The following FAM149A variants were observed in gnomAD, a reference collection of about 807,000 sequenced individuals.
The protein encoded by FAM149A is protein FAM149A.
Under a neutral mutation model 78.2 loss-of-function variants are expected in FAM149A, and 71 were observed. The ratio of observed to expected loss-of-function variants is 0.91; its 90% CI spans 0.75 to 1.11. The LOEUF is 1.11. FAM149A is among the 50% of genes least tolerant of loss of function. FAM149A has a pLI of 0.00. For missense variants in FAM149A, 1,036 were observed against 971.0 expected (o/e 1.07, Z -0.89); for synonymous variants, 446 against 410.5 (o/e 1.09, Z -1.04).
Position 186,144,983 on chromosome 4 carries a change from G to T in FAM149A, c.567-4190G>T. Reference sequence around the variant, plus strand: ...GGCGGGTGGGGAGCCCCAGCCCCGGGGCCGCGGGGGCGCGTGACCGGCTGT... The same window carrying T: ...GGCGGGTGGGGAGCCCCAGCCCCGGTGCCGCGGGGGCGCGTGACCGGCTGT... On this transcript the variant is annotated intron_variant, in intron 1 of 13. Coordinates refer to ENST00000389354, the MANE Select transcript of FAM149A (RefSeq NM_001367768.3). The surrounding 1 kb of genome is among the most constrained non-coding windows in gnomAD (Gnocchi z 4.2). The T allele has an allele frequency of 1.0e-6, 1 of 978,272 alleles. No individual in the cohort carries two copies. Among genetic ancestry groups the T allele is most frequent in the South Asian group, 4.7e-5 (1 of 21,374 alleles). 60.6% of individuals were successfully genotyped at this position (978,272 alleles called of 1,614,324 possible). A position where few individuals can be genotyped will look rare whatever the true frequency, so the allele number is the denominator to read the frequency against.
chr4:186,125,794 A>C (rs2099318062), intron 1 of FAM149A: 23 of 985,268 alleles, frequency 2.3e-5, no homozygotes, highest in Admixed American at 6.1e-5. Context: ...TGGGGCCATG[A>C]ATACCCAACC....
chr4:186,106,875 G>A (rs184106700), intron 1 of FAM149A, among the ~76,000 whole-genome samples: 2 of 152,096 alleles, frequency 1.3e-5, no homozygotes, highest in East Asian at 1.9e-4. Context: ...GCGTGAACCC[G>A]GGAGGCGGAG....
At chr4:186,130,263 A>ATATCTCTCTCTCTC (rs1554068048) in intron 1 of FAM149A, 1 of 67,112 alleles carries the variant, frequency 1.5e-5, no homozygotes, top group Non-Finnish European at 2.8e-5. Flanking sequence ...ACTTTATGAA[A>ATATCTCTCTCTCTC]TCTCTCTCTC....
Position 186,151,115 on chromosome 4 carries a change from G to A in FAM149A, c.790-788G>A, listed in dbSNP as rs1028824633. On this transcript the variant is annotated intron_variant, in intron 3 of 13. Coordinates refer to ENST00000389354, the MANE Select transcript of FAM149A (RefSeq NM_001367768.3). Reference sequence around the variant, plus strand: ...GGGGAGCCGGCAGGGCAGGTGCACCGAGGGGGTCTGAAAGGGACTCAGCTC... The same window carrying A: ...GGGGAGCCGGCAGGGCAGGTGCACCAAGGGGGTCTGAAAGGGACTCAGCTC... 25 of 951,968 alleles carry A rather than the reference G, an allele frequency of 2.6e-5. No homozygotes were observed. In the South Asian group the frequency reaches 4.3e-4, roughly 17 times the overall value. 59.0% of individuals were successfully genotyped at this position (951,968 alleles called of 1,614,324 possible). A position where few individuals can be genotyped will look rare whatever the true frequency, so the allele number is the denominator to read the frequency against.
Position 186,105,490 on chromosome 4 carries a change from C to G in FAM149A, c.414C>G (p.Ala138=), listed in dbSNP as rs955051184. The stretch of plus-strand genomic sequence containing the variant: ...CCTCGGGCCCCGGCGGGGTCTGGGC[C>G]GCGCTCCCCAGGAACCCGCTCCAGC... The change falls in exon 1 of 14, where the codon GCC becomes GCG. Residue 138 remains alanine (A), a synonymous_variant. Transcript: ENST00000389354. The G allele has an allele frequency of 4.2e-6, 5 of 1,200,948 alleles. No homozygotes were observed. In the African/African-American group the frequency reaches 5.0e-5, roughly 12 times the overall value. The allele number at this position is 1,200,948 out of a possible 1,614,324, so 74.4% of individuals were successfully genotyped here. A position where few individuals can be genotyped will look rare whatever the true frequency, so the allele number is the denominator to read the frequency against.
intron 1 of FAM149A, chr4:186,127,177 C>T (rs1233840004): frequency 2.0e-6 from 2 of 979,136 alleles, no homozygotes; most frequent in Non-Finnish European, 2.4e-6. Context: ...TCGCCAACTC[C>T]ACCCTGAGTA....
Position 186,167,216 on chromosome 4 carries a change from AATGGAATTTGCTGCTCACAC to A in FAM149A, c.2178_2197del (p.Glu726AspfsTer14), listed in dbSNP as rs1319377987. On this transcript the variant is annotated frameshift_variant, in exon 13 of 14. Transcript: ENST00000389354. LOFTEE classifies it high-confidence loss of function. ...CGCCTCGAAAAAGTTCATTGACACA[AATGGAATTTGCTGCTCACAC>A]ATGGACAGGTCAAAGTATTTTGACA... 1.9e-6 allele frequency: 3 copies of A among 1,611,450 alleles called. No individual in the cohort carries two copies. In the African/African-American group the frequency reaches 4.0e-5, roughly 22 times the overall value.
At position 186,173,112 on chromosome 4, in the gene FAM149A, A is replaced by T. The variant is rs1440156571; in HGVS notation, c.*1125A>T. Among the ~76,000 whole-genome samples, 1 of 112,908 alleles carries T rather than the reference A, an allele frequency of 8.9e-6. No homozygotes were observed. Among genetic ancestry groups the T allele is most frequent in the Non-Finnish European group, 2.2e-5 (1 of 44,714 alleles). 74.1% of individuals were successfully genotyped at this position (112,908 alleles called of 152,430 possible). ...GGCTATATATATGAGCATATTTATAAACTTAGATTTATAAACTATATACAC... is the reference window on the plus strand; with the variant it reads ...GGCTATATATATGAGCATATTTATATACTTAGATTTATAAACTATATACAC... On this transcript the variant is annotated 3_prime_UTR_variant, in exon 14 of 14. Coordinates refer to ENST00000389354, the MANE Select transcript of FAM149A (RefSeq NM_001367768.3).
rs745753017 is a variant in FAM149A at position 186,160,288 on chromosome 4, CCAAA to C, written c.1576-2554_1576-2551del. ...ACACCCGACACAAACACACCACACACCAAACACACACCCCACACAAACACACCAC... is the reference window on the plus strand; with the variant it reads ...ACACCCGACACAAACACACCACACACCACACACCCCACACAAACACACCAC... On this transcript the variant is annotated intron_variant, in intron 8 of 13. Transcript: ENST00000389354. 3.5e-3 allele frequency among the ~76,000 whole-genome samples: 492 copies of C among 141,240 alleles called. 5 individuals carry two copies. Among genetic ancestry groups the C allele is most frequent in the African/African-American group, 0.012 (450 of 37,694 alleles). 92.7% of individuals were successfully genotyped at this position (141,240 alleles called of 152,430 possible).
chr4:186,166,583 C>A (rs1024159616), intron 11 of FAM149A, among the ~76,000 whole-genome samples: 7 of 143,928 alleles, frequency 4.9e-5, no homozygotes, highest in African/African-American at 1.8e-4. Flanking sequence ...CCCTGGAGGC[C>A]AAGGTTGCAG....
intron 8 of FAM149A, chr4:186,160,739 ACACACCACAC>A: frequency 1.1e-6 from 1 of 951,296 alleles, no homozygotes; most frequent in Non-Finnish European, 1.2e-6. Flanking sequence ...CACACCCCAC[ACACACCACAC>A]CACACCACAC....
intron 1 of FAM149A, among the ~76,000 whole-genome samples, chr4:186,138,365 G>T (rs2099324392): frequency 1.3e-5 from 2 of 152,286 alleles, no homozygotes; most frequent in South Asian, 4.1e-4. Context: ...TATTTTGGGG[G>T]TTACAATTAT....
At chr4:186,119,130 C>T (rs576910571) in intron 1 of FAM149A, among the ~76,000 whole-genome samples, 11 of 152,270 alleles carry the variant, frequency 7.2e-5, no homozygotes, top group Admixed American at 2.6e-4. Context: ...AGTCAAACCA[C>T]GCACCTTTTT....
Position 186,172,056 on chromosome 4 carries a change from G to T in FAM149A, c.*69G>T, listed in dbSNP as rs940947287. On this transcript the variant is annotated 3_prime_UTR_variant, in exon 14 of 14. Transcript: ENST00000389354. Reference sequence around the variant, plus strand: ...ACTGCTTATCACTTGAAAAATGGAGGAACAAGTGTTATATTTATCTGTGTG... The same window carrying T: ...ACTGCTTATCACTTGAAAAATGGAGTAACAAGTGTTATATTTATCTGTGTG... 2 of 1,574,262 alleles carry T rather than the reference G, an allele frequency of 1.3e-6. No individual in the cohort carries two copies. The highest frequency in any genetic ancestry group is 1.7e-6 in the Non-Finnish European group (2 of 1,164,520).
intron 13 of FAM149A, 179 bp downstream of exon 13, chr4:186,167,441 C>T (rs1259212533): frequency 3.0e-6 from 2 of 673,374 alleles, no homozygotes; most frequent in African/African-American, 1.8e-5. Flanking sequence ...CCTGCAGAGA[C>T]TTACTTACCT....
At chr4:186,138,638 G>C (rs891994680) in intron 1 of FAM149A, among the ~76,000 whole-genome samples, 1 of 152,190 alleles carries the variant, frequency 6.6e-6, no homozygotes, top group African/African-American at 2.4e-5. Context: ...CAGTTTAGGG[G>C]AGTACTGGTC....
chr4:186,165,269 G>C (rs1734940861), intron 10 of FAM149A, 75 bp from the exon 11 acceptor site: 3 of 1,548,752 alleles, frequency 1.9e-6, no homozygotes, highest in Admixed American at 1.7e-5. Context: ...TGAAATCACA[G>C]CTCTTGGCAG....
At chr4:186,141,221 C>T (rs2099325639) in intron 1 of FAM149A, among the ~76,000 whole-genome samples, 1 of 151,966 alleles carries the variant, frequency 6.6e-6, no homozygotes, top group African/African-American at 2.4e-5. Context: ...TTTTTAAGTT[C>T]CTTATAGATA....
At chr4:186,122,948 A>G (rs2099316718) in intron 1 of FAM149A, 1 of 195,166 alleles carries the variant, frequency 5.1e-6, no homozygotes, top group Non-Finnish European at 9.3e-6. Flanking sequence ...TCTTTTATAG[A>G]ATTTCAAGCC....
Sources: gnomAD v4.1 joint callset for allele counts (sites outside exome capture counted in the v4.1 genomes callset) on GRCh38, gnomAD v4.1.1 for gene constraint, Gnocchi (gnomAD v3.1) non-coding constraint, MANE v1.5 for transcripts, NCBI Gene and HGNC (gene_info 2026-07-23, HGNC 2026-07-21) for gene names.